TIAM1: variants seen among roughly 807,000 people sequenced by gnomAD.
TIAM1 encodes the protein rho guanine nucleotide exchange factor TIAM1.
TIAM1 carries 65 observed loss-of-function variants against 163.5 expected under a neutral mutation model. The observed-to-expected ratio is 0.40, with a 90% CI of 0.33 to 0.49. The LOEUF (loss-of-function observed/expected upper bound fraction) is 0.49, where lower values mean the gene tolerates loss of function less well. Among genes scored for constraint, TIAM1 ranks in the 20% least tolerant of loss-of-function variants. The pLI is 0.77. For missense variants in TIAM1, 1,789 were observed against 2,044.7 expected, an observed-to-expected ratio of 0.87 and a Z score of 2.41; for synonymous variants, 833 against 810.1, an observed-to-expected ratio of 1.03 and a Z score of -0.48.
intron 1 of TIAM1, among the ~76,000 whole-genome samples, chr21:31,502,428 G>A (rs891615765): frequency 5.5e-4 from 84 of 152,128 alleles, no homozygotes; most frequent in African/African-American, 1.8e-3. Context: ...GTAAGCCACC[G>A]CACCCAGCCT....
At chr21:31,261,965 T>G (rs1408803600) in intron 4 of TIAM1, among the ~76,000 whole-genome samples, 1 of 152,060 alleles carries the variant, frequency 6.6e-6, no homozygotes, top group African/African-American at 2.4e-5. Flanking sequence ...GAAGCTCTCC[T>G]CACAAGCATG....
At chr21:31,509,076 T>C (rs2047127010) in intron 1 of TIAM1, among the ~76,000 whole-genome samples, 1 of 152,186 alleles carries the variant, frequency 6.6e-6, no homozygotes, top group Non-Finnish European at 1.5e-5. Context: ...AGCAGGCCAC[T>C]GATTTTCCAT....
chr21:31,535,017 G>C (rs2048082608), intron 1 of TIAM1, among the ~76,000 whole-genome samples: 4 of 151,980 alleles, frequency 2.6e-5, no homozygotes, highest in Non-Finnish European at 1.5e-5. Context: ...CTGAACCCAG[G>C]AGGTCAAAGC....
At chr21:31,330,594 A>G (rs988960306) in intron 2 of TIAM1, among the ~76,000 whole-genome samples, 5 of 152,090 alleles carry the variant, frequency 3.3e-5, no homozygotes, top group Admixed American at 6.5e-5. Context: ...ATGCGCCACC[A>G]CGCCTGGCTA....
At chr21:31,306,138 G>C in intron 2 of TIAM1, among the ~76,000 whole-genome samples, 1 of 151,524 alleles carries the variant, frequency 6.6e-6, no homozygotes, top group Non-Finnish European at 1.5e-5. Context: ...TTAAAAATAA[G>C]CCAGGCATGG....
At chr21:31,412,594 C>T (rs1243933426) in intron 2 of TIAM1, among the ~76,000 whole-genome samples, 1 of 151,796 alleles carries the variant, frequency 6.6e-6, no homozygotes, top group Non-Finnish European at 1.5e-5. Flanking sequence ...CCAACCTGGC[C>T]AACATGGTGA....
At chr21:31,279,547 C>G (rs1435236691) in intron 2 of TIAM1, among the ~76,000 whole-genome samples, 1 of 152,174 alleles carries the variant, frequency 6.6e-6, no homozygotes, top group African/African-American at 2.4e-5. Flanking sequence ...CCGGTCATAT[C>G]TTGGCTTTGC....
intron 6 of TIAM1, among the ~76,000 whole-genome samples, chr21:31,228,730 T>C (rs2088211574): frequency 6.6e-6 from 1 of 152,236 alleles, no homozygotes; most frequent in African/African-American, 2.4e-5. Flanking sequence ...ATTGTATTAG[T>C]CCATTCTCAT....
chr21:31,555,149 T>C (rs770323058), intron 1 of TIAM1, among the ~76,000 whole-genome samples: 77 of 152,048 alleles, frequency 5.1e-4, no homozygotes, highest in Non-Finnish European at 1.0e-3. Flanking sequence ...TTTTAATAAA[T>C]GATTTGGCCT....
At chr21:31,325,019 C>T (rs557844595) in intron 2 of TIAM1, among the ~76,000 whole-genome samples, 1 of 152,158 alleles carries the variant, frequency 6.6e-6, no homozygotes, top group East Asian at 1.9e-4. Context: ...GTGGCTCACA[C>T]CTGTAATCCC....
At chr21:31,459,936 T>C (rs1050600169) in intron 2 of TIAM1, among the ~76,000 whole-genome samples, 6 of 152,210 alleles carry the variant, frequency 3.9e-5, no homozygotes, top group Admixed American at 3.9e-4. Context: ...GGTTCCATTA[T>C]CTTCCCCTCT....
intron 1 of TIAM1, among the ~76,000 whole-genome samples, chr21:31,481,357 G>T (rs2046102966): frequency 6.6e-6 from 1 of 152,170 alleles, no homozygotes; most frequent in Non-Finnish European, 1.5e-5. Flanking sequence ...GACACCAAAT[G>T]TGTGGGGTTT....
intron 12 of TIAM1, among the ~76,000 whole-genome samples, chr21:31,201,433 C>G (rs1281234478): frequency 6.6e-6 from 1 of 152,174 alleles, no homozygotes; most frequent in Admixed American, 6.5e-5. Context: ...AAAGCACACG[C>G]TCTCTTACAT....
intron 19 of TIAM1, among the ~76,000 whole-genome samples, chr21:31,151,196 A>T (rs2083354124): frequency 1.3e-5 from 2 of 152,172 alleles, no homozygotes; most frequent in Non-Finnish European, 1.5e-5. Context: ...TTACCATATG[A>T]CCCAACCATT....
intron 10 of TIAM1, among the ~76,000 whole-genome samples, chr21:31,210,592 A>AAGAAAGAAAGAAAGAAAG (rs1162520566): frequency 7.2e-4 from 64 of 88,720 alleles, no homozygotes; most frequent in Middle Eastern, 5.8e-3. Context: ...GAAAGAAAGA[A>AAGAAAGAAAGAAAGAAAG]AGAGAGAAAG....
upstream of TIAM1, among the ~76,000 whole-genome samples, chr21:31,348,039 AG>A (rs1364055585): frequency 6.6e-6 from 1 of 152,226 alleles, no homozygotes; most frequent in Non-Finnish European, 1.5e-5. Flanking sequence ...AAACGTATGG[AG>A]AGTTTATTTA....
intron 1 of TIAM1, among the ~76,000 whole-genome samples, chr21:31,550,962 G>A (rs772142914): frequency 6.6e-6 from 1 of 152,210 alleles, no homozygotes; most frequent in African/African-American, 2.4e-5. Flanking sequence ...TGTAATCCCA[G>A]CACTTTGGGA....
At chr21:31,442,089 A>AT (rs1555982237) in intron 2 of TIAM1, among the ~76,000 whole-genome samples, 52 of 123,666 alleles carry the variant, frequency 4.2e-4, no homozygotes, top group Non-Finnish European at 5.9e-4. Flanking sequence ...ATATATATAG[A>AT]ACAATAAGGG....
intron 12 of TIAM1, among the ~76,000 whole-genome samples, chr21:31,199,333 A>G (rs2086062105): frequency 1.3e-5 from 2 of 152,070 alleles, no homozygotes; most frequent in African/African-American, 4.8e-5. Context: ...AAAGCCGACA[A>G]TGCCCTTTCT....
Sources: allele counts gnomAD v4.1 joint callset (sites outside exome capture counted in the v4.1 genomes callset), GRCh38; gene constraint gnomAD v4.1.1; transcripts MANE v1.5; gene names NCBI Gene and HGNC (gene_info 2026-07-23, HGNC 2026-07-21).